The following ASIC2 variants were observed in gnomAD, a reference collection of about 807,000 sequenced individuals.
ASIC2 encodes the protein acid sensing ion channel subunit 2.
Under a neutral mutation model 57.3 loss-of-function variants are expected in ASIC2, and 25 were observed. That is an observed-to-expected ratio of 0.44 (90% confidence interval 0.32 to 0.61). The LOEUF (loss-of-function observed/expected upper bound fraction) is 0.61, where lower values mean the gene tolerates loss of function less well. Among genes scored for constraint, ASIC2 ranks in the 20% least tolerant of loss-of-function variants. The pLI, the probability that ASIC2 is intolerant of heterozygous loss-of-function variation, is 0.06. For synonymous variants in ASIC2, 319 were observed against 307.5 expected (o/e 1.04, Z -0.39); for missense variants, 641 against 738.1 (o/e 0.87, Z 1.52).
Position 33,336,099 on chromosome 17 carries a change from G to A in ASIC2, c.556-224032C>T, listed in dbSNP as rs559918748. 8.5e-4 allele frequency among the ~76,000 whole-genome samples: 129 copies of A among 152,134 alleles called. 1 individual carries two copies. Among genetic ancestry groups the A allele is most frequent in the African/African-American group, 3.1e-3 (127 of 41,506 alleles). On this transcript the variant is annotated intron_variant, in intron 1 of 9. Coordinates refer to the ASIC2 transcript ENST00000359872. Reference sequence around the variant, plus strand: ...TCACAGACCTTGGTCTGCCTCCTGGGTCTGCCTCCCAGATCTGCTGCTTGT... The same window carrying A: ...TCACAGACCTTGGTCTGCCTCCTGGATCTGCCTCCCAGATCTGCTGCTTGT...
chr17:33,799,854 A>G (rs1288464845), intron 1 of ASIC2, among the ~76,000 whole-genome samples: 1 of 152,136 alleles, frequency 6.6e-6, no homozygotes, highest in Non-Finnish European at 1.5e-5. Context: ...GTTGGGCAGT[A>G]TACAACCTGC....
chr17:33,228,259 G>A (rs1453244761), intron 1 of ASIC2, among the ~76,000 whole-genome samples: 2 of 152,214 alleles, frequency 1.3e-5, no homozygotes, highest in Admixed American at 1.3e-4. Flanking sequence ...GGTGATGGTT[G>A]CAGAACACTG....
At chr17:33,611,018 TG>T (rs1170563302) in intron 1 of ASIC2, among the ~76,000 whole-genome samples, 1 of 152,212 alleles carries the variant, frequency 6.6e-6, no homozygotes, top group Non-Finnish European at 1.5e-5. Context: ...GACTGATTTC[TG>T]GGAATTGGTG....
intron 1 of ASIC2, among the ~76,000 whole-genome samples, chr17:33,537,393 C>T (rs568756068): frequency 2.6e-5 from 4 of 152,292 alleles, no homozygotes; most frequent in East Asian, 1.9e-4. Flanking sequence ...AGTCACCTCC[C>T]GCCCACCCTG....
chr17:34,029,813 T>C (rs1264976648), intron 1 of ASIC2, among the ~76,000 whole-genome samples: 4 of 152,208 alleles, frequency 2.6e-5, no homozygotes. Context: ...AAATAAGTTT[T>C]TGTTGTTTAA....
chr17:33,166,756 C>G (rs2142044502), intron 1 of ASIC2, among the ~76,000 whole-genome samples: 1 of 152,374 alleles, frequency 6.6e-6, no homozygotes, highest in East Asian at 1.9e-4. Context: ...CCCGCTCCCA[C>G]TGCACTGCAG....
At chr17:33,269,827 AG>A (rs1286489018) in intron 1 of ASIC2, among the ~76,000 whole-genome samples, 1 of 150,664 alleles carries the variant, frequency 6.6e-6, no homozygotes, top group African/African-American at 2.5e-5. Flanking sequence ...TAGTAAAACT[AG>A]TTTCTGTGTT....
intron 1 of ASIC2, chr17:33,827,702 T>G (rs533141044): frequency 6.6e-6 from 1 of 152,194 alleles, no homozygotes; most frequent in South Asian, 2.1e-4. Context: ...TACAGTATTT[T>G]TTTTTCCTTT....
intron 1 of ASIC2, among the ~76,000 whole-genome samples, chr17:33,553,119 T>C (rs1915801197): frequency 6.6e-6 from 1 of 152,048 alleles, no homozygotes. Flanking sequence ...GCAGAGGCCC[T>C]AGTGGAATTG....
At chr17:33,567,403 G>C (rs1298350370) in intron 1 of ASIC2, among the ~76,000 whole-genome samples, 2 of 152,156 alleles carry the variant, frequency 1.3e-5, no homozygotes, top group African/African-American at 2.4e-5. Context: ...AGCCTCACTG[G>C]GCCACTGCAA....
At chr17:33,970,009 C>T (rs1186570434) in intron 1 of ASIC2, among the ~76,000 whole-genome samples, 2 of 152,300 alleles carry the variant, frequency 1.3e-5, no homozygotes, top group East Asian at 3.9e-4. Flanking sequence ...TAGGATCTAG[C>T]AATGCAAAGT....
chr17:33,046,468 C>T (rs1274616726), intron 3 of ASIC2, among the ~76,000 whole-genome samples: 1 of 152,156 alleles, frequency 6.6e-6, no homozygotes, highest in Non-Finnish European at 1.5e-5. Context: ...AGGAGTGTCT[C>T]TTGTCCCAGG....
intron 1 of ASIC2, among the ~76,000 whole-genome samples, chr17:34,128,415 G>T (rs189769735): frequency 6.6e-6 from 1 of 152,282 alleles, no homozygotes; most frequent in East Asian, 1.9e-4. Context: ...GTCCCACTGT[G>T]CCTGCCTTGG....
chr17:34,145,377 G>C (rs555042461), intron 1 of ASIC2, among the ~76,000 whole-genome samples: 1 of 152,056 alleles, frequency 6.6e-6, no homozygotes, highest in African/African-American at 2.4e-5. Context: ...CCTCACCTCT[G>C]ACCCCAACTA....
At chr17:33,308,228 TTA>T (rs1461456977) in intron 1 of ASIC2, among the ~76,000 whole-genome samples, 1 of 152,182 alleles carries the variant, frequency 6.6e-6, no homozygotes, top group Non-Finnish European at 1.5e-5. Flanking sequence ...ATCTCTAAAT[TTA>T]TGTTTTCTTT....
chr17:33,586,235 T>C (rs1904626852), intron 1 of ASIC2, among the ~76,000 whole-genome samples: 1 of 152,230 alleles, frequency 6.6e-6, no homozygotes. Flanking sequence ...TCTATCTTTC[T>C]GGAGCTTTTT....
intron 1 of ASIC2, among the ~76,000 whole-genome samples, chr17:33,890,777 A>G (rs1914942542): frequency 6.6e-6 from 1 of 152,184 alleles, no homozygotes. Flanking sequence ...GGGCTTTGTG[A>G]GGCTCAGGGA....
chr17:33,560,323 T>C (rs1916035579), intron 1 of ASIC2, among the ~76,000 whole-genome samples: 1 of 152,164 alleles, frequency 6.6e-6, no homozygotes, highest in South Asian at 2.1e-4. Flanking sequence ...GAAAGTGAAA[T>C]CACCTTGGAG....
At chr17:33,706,589 G>A (rs978696504) in intron 1 of ASIC2, among the ~76,000 whole-genome samples, 3 of 151,992 alleles carry the variant, frequency 2.0e-5, no homozygotes, top group Non-Finnish European at 2.9e-5. Flanking sequence ...TCTGTGTGGT[G>A]TACTATGTTT....
Sources: gnomAD v4.1 joint callset for allele counts (sites outside exome capture counted in the v4.1 genomes callset) on GRCh38, gnomAD v4.1.1 for gene constraint, MANE v1.5 for transcripts, NCBI Gene and HGNC (gene_info 2026-07-23, HGNC 2026-07-21) for gene names.